The following AHNAK variants were observed in gnomAD, a reference collection of about 807,000 sequenced individuals.
The protein encoded by AHNAK is neuroblast differentiation-associated protein AHNAK.
AHNAK carries 23 observed loss-of-function variants against 37.8 expected under a neutral mutation model. The observed-to-expected ratio is 0.61, with a 90% CI of 0.44 to 0.86. AHNAK has a LOEUF of 0.86. Among genes scored for constraint, AHNAK ranks in the 40% least tolerant of loss-of-function variants. The probability of loss-of-function intolerance (pLI) is 0.00; values close to 1 mark genes in which losing one functional copy is unlikely to be tolerated. For missense variants in AHNAK, 7,411 were observed against 7,319.4 expected (o/e 1.01, Z -0.46); for synonymous variants, 2,481 against 2,636.3 (o/e 0.94, Z 1.80).
Position 62,524,810 on chromosome 11 carries a change from T to A in AHNAK, c.9607A>T (p.Lys3203Ter). ...TCTGGCATCTTGAATTTAGGGCCCT[T>A]CAGTTTCGCATCTGGACCTTCAATA... ...VNIEGPDAKL[K>*]GPKFKMPEMN... The change falls in exon 5 of 5, where the codon AAG becomes TAG. Residue 3203 changes from lysine to a stop codon, truncating the protein, a stop_gained. Transcript: ENST00000378024. LOFTEE classifies it low-confidence loss of function (END_TRUNC). The A allele has an allele frequency of 1.2e-6, 2 of 1,614,208 alleles. No individual in the cohort carries two copies. Among genetic ancestry groups the A allele is most frequent in the Non-Finnish European group, 1.7e-6 (2 of 1,180,032 alleles).
At chr11:62,491,809 A>G in exon 5 of AHNAK, 1 of 1,612,642 alleles carries the variant, frequency 6.2e-7, no homozygotes, top group Non-Finnish European at 8.5e-7. Context: ...TTTGCATTCC[A>G]GTGCTGATGG....
chr11:62,455,868 A>G (rs1183697521), intron 5 of AHNAK, among the ~76,000 whole-genome samples: 2 of 146,798 alleles, frequency 1.4e-5, no homozygotes, highest in African/African-American at 2.6e-5. Flanking sequence ...CATCCCCCCA[A>G]AAAAAAAAAA....
At chr11:62,511,284 G>A (rs57575327), downstream of AHNAK, among the ~76,000 whole-genome samples, 3,975 of 150,636 alleles carry the variant, frequency 0.026, 182 homozygotes, top group African/African-American at 0.091. Flanking sequence ...GACGAGTCTC[G>A]CTCTGTCCCC....
rs1038686051 is a variant in AHNAK, at chr11:62,524,681, C to A, written c.9736G>T (p.Gly3246Cys). 1 of 1,614,084 alleles carries A rather than the reference C, an allele frequency of 6.2e-7. No individual in the cohort carries two copies. The highest frequency in any genetic ancestry group is 8.5e-7 in the Non-Finnish European group (1 of 1,180,054). The stretch of plus-strand genomic sequence containing the variant: ...TCAAGAGCAGGTCCTTTCAAATCAC[C>A]TTCTACATTTGCAAGTGAAACATCC... ...EVDVSLANVE[G>C]DLKGPALDIK... The change falls in exon 5 of 5, where the codon GGT becomes TGT. Residue 3246 changes from glycine (G) to cysteine (C), a missense_variant. Physicochemically the swap from Gly to Cys is radical, Grantham distance 159. Transcript: ENST00000378024.
In AHNAK at chr11:62,531,093, T is replaced by C. The variant is rs774265174; in HGVS notation, c.3324A>G (p.Val1108=). The C allele has an allele frequency of 3.1e-6, 5 of 1,614,068 alleles. No homozygotes were observed. The South Asian group carries it at 4.4e-5, about 14-fold the overall frequency. The change falls in exon 5 of 5, where the codon GTA becomes GTG. Residue 1108 remains valine (V), a synonymous_variant. Coordinates refer to ENST00000378024, the MANE Select transcript of AHNAK (RefSeq NM_001620.3). ...CTTCCACATCTGGTGCTTTAATATC[T>C]ACCTTGGGACCTCTGATGTCCACAT... ...VPDVDIRGPK[V]DIKAPDVEGQ...
chr11:62,457,473 T>G (rs1590597039), intron 5 of AHNAK, among the ~76,000 whole-genome samples: 1 of 142,298 alleles, frequency 7.0e-6, no homozygotes, highest in East Asian at 2.0e-4. Context: ...CAAAACAAAA[T>G]ATGAAAATTA....
At chr11:62,535,390 T>C (rs544665341) in intron 3 of AHNAK, among the ~76,000 whole-genome samples, 200 bp from the exon 4 acceptor site, 4 of 152,124 alleles carry the variant, frequency 2.6e-5, no homozygotes, top group African/African-American at 9.7e-5. Flanking sequence ...GGCTCACACC[T>C]GTAATCTCAG....
In AHNAK at chr11:62,519,494, A is replaced by G. The variant is rs1183422121; in HGVS notation, c.14923T>C (p.Phe4975Leu). 4 of 1,613,048 alleles carry G rather than the reference A, an allele frequency of 2.5e-6. No homozygotes were observed. The highest frequency in any genetic ancestry group is 1.6e-4 in the Middle Eastern group (1 of 6,082). The change falls in exon 5 of 5, where the codon TTT (phenylalanine) becomes CTT (leucine). Residue 4975 changes from phenylalanine to leucine, a missense_variant. By Grantham distance (22) the Phe-to-Leu change is conservative (BLOSUM62 0). Coordinates refer to ENST00000378024, the MANE Select transcript of AHNAK (RefSeq NM_001620.3). ...CCAAATCCAAACTTGGGTTTCTTAA[A>G]TTTGGGGATTTTAACATCTGGCCCT... Reference protein sequence around the residue: ...IEGPDVKIPKFKKPKFGFGAK... With the variant: ...IEGPDVKIPKLKKPKFGFGAK...
chr11:62,498,713 G>A (rs1939659353), intron 4 of AHNAK, among the ~76,000 whole-genome samples: 1 of 151,868 alleles, frequency 6.6e-6, no homozygotes, highest in African/African-American at 2.4e-5. Context: ...GGAGTTCAAG[G>A]TTGCAGTGAG....
intron 5 of AHNAK, among the ~76,000 whole-genome samples, chr11:62,466,550 G>A (rs1254796901): frequency 6.8e-6 from 1 of 146,630 alleles, no homozygotes; most frequent in Non-Finnish European, 1.5e-5. Context: ...TTAGCCAGCT[G>A]TCAAGTCCAA....
Position 62,531,343 on chromosome 11 carries a change from G to A in AHNAK, c.3074C>T (p.Ala1025Val), listed in dbSNP as rs201304148. 19 of 1,613,426 alleles carry A rather than the reference G, an allele frequency of 1.2e-5. No individual in the cohort carries two copies. Among genetic ancestry groups the A allele is most frequent in the Admixed American group, 5.0e-5 (3 of 59,912 alleles). Residue 1025 changes from alanine to valine, a missense_variant, in exon 5 of 5, where the codon GCG becomes GTG. Physicochemically the swap from Ala to Val is moderately conservative, Grantham distance 64. Transcript: ENST00000378024. ...TTTTGGTGCAGAAATGTCCACATTC[G>A]CTTTGGACAGGTTCACATCAAATTC... ...GPEFDVNLSK[A>V]NVDISAPKVD...
intron 3 of AHNAK, among the ~76,000 whole-genome samples, chr11:62,535,705 G>A (rs2134250754): frequency 6.6e-6 from 1 of 151,892 alleles, no homozygotes; most frequent in Middle Eastern, 3.4e-3. Context: ...GTGGGTGGTG[G>A]AGTCAGATCT....
At chr11:62,460,839 C>A (rs923742072) in intron 5 of AHNAK, among the ~76,000 whole-genome samples, 3 of 151,966 alleles carry the variant, frequency 2.0e-5, no homozygotes, top group Non-Finnish European at 4.4e-5. Context: ...TTTGAGATGG[C>A]GTCTCAGAGT....
At position 62,493,362 on chromosome 11, in the gene AHNAK, G is replaced by A. The variant is rs1304396438; in HGVS notation, c.343-1531C>T. 9.6e-5 allele frequency among the ~76,000 whole-genome samples: 12 copies of A among 125,138 alleles called. No individual in the cohort carries two copies. The East Asian group carries it at 1.6e-3, about 17-fold the overall frequency. The allele number at this position is 125,138 out of a possible 152,430, so 82.1% of individuals were successfully genotyped here. On this transcript the variant is annotated intron_variant, in intron 4 of 5. Transcript: ENST00000257247. ...TTTTTTTTTTTTTTGACAGACTCTCGCTCTGTTGCCCAGGCTGGAGTGCAG... is the reference window on the plus strand; with the variant it reads ...TTTTTTTTTTTTTTGACAGACTCTCACTCTGTTGCCCAGGCTGGAGTGCAG...
intron 2 of AHNAK, 87 bp from the exon 3 acceptor site, chr11:62,536,185 G>T (rs1248691015): frequency 2.1e-6 from 3 of 1,414,328 alleles, no homozygotes; most frequent in Admixed American, 2.6e-5. Flanking sequence ...CTGGCGCTGT[G>T]AACTCCAGGG....
rs990771587 is a variant in AHNAK at position 62,482,370 on chromosome 11, G to A, written c.442+9362C>T. Among the ~76,000 whole-genome samples the A allele has an allele frequency of 4.6e-5, 7 of 151,694 alleles. No homozygotes were observed. In the South Asian group the frequency reaches 8.3e-4, roughly 18 times the overall value. On this transcript the variant is annotated intron_variant, in intron 5 of 5. Coordinates refer to the AHNAK transcript ENST00000257247. ...GCAAAGGTTGCAGTGAGCTGAGATC[G>A]CGCCACTGCACTCCAGCCTAAGTGA...
intron 5 of AHNAK, among the ~76,000 whole-genome samples, chr11:62,487,274 T>C (rs568148547): frequency 2.0e-5 from 3 of 152,374 alleles, no homozygotes; most frequent in Admixed American, 6.5e-5. Context: ...AGGGATGTTA[T>C]CATCCTGATC....
intron 1 of AHNAK, among the ~76,000 whole-genome samples, chr11:62,542,811 G>C (rs1473255751): frequency 6.6e-6 from 1 of 152,224 alleles, no homozygotes; most frequent in African/African-American, 2.4e-5. Flanking sequence ...TCTGAGGGTG[G>C]CGTCCTATAG....
In AHNAK at chr11:62,530,495, C is replaced by A. The variant is rs1390143941; in HGVS notation, c.3922G>T (p.Gly1308Cys). The A allele has an allele frequency of 6.2e-7, 1 of 1,612,306 alleles. No individual in the cohort carries two copies. Among genetic ancestry groups the A allele is most frequent in the South Asian group, 1.1e-5 (1 of 91,018 alleles). Residue 1308 changes from glycine to cysteine, a missense_variant, in exon 5 of 5, where the codon GGC (glycine) becomes TGC (cysteine). Transcript: ENST00000378024. The part of the protein sequence containing the change: ...SLEGPEGKLK[G>C]PKFKMPEMHF... ...ATCTCAGGCATCTTAAACTTGGGGC[C>A]CTTCAGCTTTCCTTCCGGGCCCTCA...
Sources: gnomAD v4.1 joint callset for allele counts (sites outside exome capture counted in the v4.1 genomes callset) on GRCh38, gnomAD v4.1.1 for gene constraint, MANE v1.5 for transcripts, NCBI Gene and HGNC (gene_info 2026-07-23, HGNC 2026-07-21) for gene names.